FANCL: variants seen among roughly 807,000 people sequenced by gnomAD.
The protein encoded by FANCL is E3 ubiquitin-protein ligase FANCL.
A neutral mutation model predicts 59.4 loss-of-function variants in FANCL; 69 were observed. That is an observed-to-expected ratio of 1.16 (90% CI 0.96 to 1.42). FANCL has a LOEUF of 1.42. Among genes scored for constraint, FANCL ranks in the 40% most tolerant of loss-of-function variants. The probability of loss-of-function intolerance (pLI) is 0.00; values close to 1 mark genes in which losing one functional copy is unlikely to be tolerated. For missense variants in FANCL, 519 were observed against 447.2 expected (o/e 1.16, Z -1.45); for synonymous variants, 180 against 147.1 (o/e 1.22, Z -1.62).
intron 7 of FANCL, among the ~76,000 whole-genome samples, chr2:58,171,782 G>A (rs926939079): frequency 5.9e-5 from 9 of 152,198 alleles, no homozygotes; most frequent in African/African-American, 9.7e-5. Context: ...TGCACCATGC[G>A]CGAGCAGAAG....
At chr2:58,222,607 A>G (rs1337516382) in intron 4 of FANCL, among the ~76,000 whole-genome samples, 2 of 152,074 alleles carry the variant, frequency 1.3e-5, no homozygotes, top group African/African-American at 4.8e-5. Flanking sequence ...GCTAGATTAC[A>G]GTCCCGTTCC....
At chr2:58,182,517 G>C (rs898888237) in intron 7 of FANCL, among the ~76,000 whole-genome samples, 1 of 151,568 alleles carries the variant, frequency 6.6e-6, no homozygotes, top group South Asian at 2.1e-4. Context: ...TTATTCCTGC[G>C]ATAAATTTTG....
chr2:58,221,619 T>C (rs1370764152), intron 5 of FANCL, among the ~76,000 whole-genome samples: 1 of 152,302 alleles, frequency 6.6e-6, no homozygotes, highest in East Asian at 1.9e-4. Context: ...TTCCAGTCTC[T>C]TTCATGTGTC....
chr2:58,165,546 CTCCT>C (rs1685823207), intron 8 of FANCL, among the ~76,000 whole-genome samples, 174 bp downstream of exon 8: 1 of 152,248 alleles, frequency 6.6e-6, no homozygotes, highest in East Asian at 1.9e-4. Flanking sequence ...CTCAGTACTT[CTCCT>C]TTTCACCTAA....
At chr2:58,179,550 G>A (rs562420293) in intron 7 of FANCL, among the ~76,000 whole-genome samples, 2 of 151,954 alleles carry the variant, frequency 1.3e-5, no homozygotes, top group Admixed American at 1.3e-4. Context: ...AACTCAAACG[G>A]GACCCCTCCC....
Position 58,176,906 on chromosome 2 carries a change from T to A in FANCL, c.541-11032A>T, listed in dbSNP as rs1329309220. 9.2e-5 allele frequency among the ~76,000 whole-genome samples: 14 copies of A among 152,010 alleles called. No individual in the cohort carries two copies. In the East Asian group the frequency reaches 2.1e-3, roughly 23 times the overall value. ...TCTGACAAAGGGCTAATATCCAGAA[T>A]CTACAAAGAACTCAAACAAATTTAC... On this transcript the variant is annotated intron_variant, in intron 7 of 13. Coordinates refer to ENST00000233741, the MANE Select transcript of FANCL (RefSeq NM_018062.4).
At chr2:58,220,484 G>A (rs904791545) in intron 5 of FANCL, among the ~76,000 whole-genome samples, 8 of 152,168 alleles carry the variant, frequency 5.3e-5, no homozygotes, top group Admixed American at 3.9e-4. Flanking sequence ...CAAAGGCAAC[G>A]AAAATAATTC....
chr2:58,159,838 C>CACTCT, intron 13 of FANCL, 38 bp from the exon 14 acceptor site: 2 of 1,609,032 alleles, frequency 1.2e-6, no homozygotes, highest in Non-Finnish European at 1.7e-6. Context: ...AGTTTGTGGA[C>CACTCT]ACTCTAAAAA....
At chr2:58,204,752 C>T (rs1195051998) in intron 5 of FANCL, among the ~76,000 whole-genome samples, 2 of 151,992 alleles carry the variant, frequency 1.3e-5, no homozygotes, top group Admixed American at 6.6e-5. Context: ...AGCACAGGTA[C>T]AGCCTGGTCT....
chr2:58,172,253 C>T (rs139643427), intron 7 of FANCL, among the ~76,000 whole-genome samples: 2,994 of 152,308 alleles, frequency 0.02, 113 homozygotes, highest in African/African-American at 0.069. Context: ...AGCAGTGGTT[C>T]TCTCAGCACG....
intron 7 of FANCL, among the ~76,000 whole-genome samples, chr2:58,197,115 CTA>C (rs1003510292): frequency 1.0e-4 from 15 of 150,434 alleles, no homozygotes; most frequent in African/African-American, 3.6e-4. Context: ...CTCTATTTTG[CTA>C]TGTTTTCTCA....
At chr2:58,212,990 T>C (rs1217640276) in intron 5 of FANCL, among the ~76,000 whole-genome samples, 1 of 152,246 alleles carries the variant, frequency 6.6e-6, no homozygotes, top group Non-Finnish European at 1.5e-5. Flanking sequence ...ATTTGTATAA[T>C]GTCTAATCCT....
chr2:58,219,245 C>A (rs186390423), intron 5 of FANCL, among the ~76,000 whole-genome samples: 1 of 127,588 alleles, frequency 7.8e-6, no homozygotes, highest in Admixed American at 9.0e-5. Flanking sequence ...CAGGAGCCAA[C>A]TGAAAGAGCT....
chr2:58,160,711 G>GGA (rs1685023281), intron 12 of FANCL, among the ~76,000 whole-genome samples: 1 of 151,918 alleles, frequency 6.6e-6, no homozygotes, highest in African/African-American at 2.4e-5. Context: ...GAAATCACAT[G>GGA]TTCCCTTAGA....
chr2:58,196,204 A>G (rs2105081605), intron 7 of FANCL, among the ~76,000 whole-genome samples: 1 of 152,280 alleles, frequency 6.6e-6, no homozygotes, highest in South Asian at 2.1e-4. Flanking sequence ...AATTTTGGGT[A>G]AACAGTTACT....
intron 7 of FANCL, among the ~76,000 whole-genome samples, chr2:58,176,929 T>C (rs201404515): frequency 6.6e-6 from 1 of 151,442 alleles, no homozygotes; most frequent in Non-Finnish European, 1.5e-5. Context: ...CAAACAAATT[T>C]ACAAGAAAAA....
Position 58,198,676 on chromosome 2 carries a change from A to G in FANCL, c.472-14T>C, listed in dbSNP as rs371196539. On this transcript the variant is annotated splice_polypyrimidine_tract_variant and intron_variant, in intron 6 of 13. Coordinates refer to ENST00000233741, the MANE Select transcript of FANCL (RefSeq NM_018062.4). ...TTCTGCAGGATACTATTAAAAAAGC[A>G]TAACATTAGACCATTTTTGCTTCTG... 3.1e-6 allele frequency: 5 copies of G among 1,605,044 alleles called. No individual in the cohort carries two copies. Among genetic ancestry groups the G allele is most frequent in the Middle Eastern group, 1.7e-4 (1 of 6,002 alleles).
chr2:58,214,969 C>T lies in FANCL; in HGVS notation c.374+6973G>A, dbSNP rs543557039. Among the ~76,000 whole-genome samples, 4 of 152,324 alleles carry T rather than the reference C, an allele frequency of 2.6e-5. No individual in the cohort carries two copies. In the East Asian group the frequency reaches 5.8e-4, roughly 22 times the overall value. On this transcript the variant is annotated intron_variant, in intron 5 of 13. Transcript: ENST00000233741. ...ATTTTTCTTATTGCACTTCTCTCAACCATGTCAGATCCACTGAGGTAGGCT... is the reference window on the plus strand; with the variant it reads ...ATTTTTCTTATTGCACTTCTCTCAATCATGTCAGATCCACTGAGGTAGGCT...
chr2:58,229,308 T>G (rs1693347158), intron 3 of FANCL, among the ~76,000 whole-genome samples: 1 of 152,208 alleles, frequency 6.6e-6, no homozygotes, highest in African/African-American at 2.4e-5. Context: ...AAAGGAATTT[T>G]CAGGTAGAGG....
Sources: allele counts gnomAD v4.1 joint callset (sites outside exome capture counted in the v4.1 genomes callset), GRCh38; gene constraint gnomAD v4.1.1; transcripts MANE v1.5; gene names NCBI Gene and HGNC (gene_info 2026-07-23, HGNC 2026-07-21).